Variants in GCNT1 observed in about 807,000 individuals in gnomAD.
GCNT1 encodes the protein glucosaminyl (N-acetyl) transferase 1.
GCNT1 carries 16 observed loss-of-function variants against 26.2 expected under a neutral mutation model. That is an observed-to-expected ratio of 0.61 (90% CI 0.41 to 0.93). The LOEUF (loss-of-function observed/expected upper bound fraction) is 0.93, where lower values mean the gene tolerates loss of function less well. Among genes scored for constraint, GCNT1 ranks in the 40% least tolerant of loss-of-function variants. The probability of loss-of-function intolerance (pLI) is 0.00; values close to 1 mark genes in which losing one functional copy is unlikely to be tolerated. For synonymous variants in GCNT1, 183 were observed against 190.8 expected (o/e 0.96, Z 0.34); for missense variants, 477 against 526.7 (o/e 0.91, Z 0.92).
At chr9:76,404,336 G>C in the GCNT1 span, among the ~76,000 whole-genome samples, 1 of 151,672 alleles carries the variant, frequency 6.6e-6, no homozygotes, top group African/African-American at 2.4e-5. Flanking sequence ...TAGAAAATTG[G>C]TCTAATCTGC....
chr9:76,492,139 G>A (rs1176751684), intron 2 of GCNT1, among the ~76,000 whole-genome samples: 1 of 152,172 alleles, frequency 6.6e-6, no homozygotes, highest in East Asian at 1.9e-4. Flanking sequence ...GATGTATAAA[G>A]AGAAGTTTTG....
intron 2 of GCNT1, among the ~76,000 whole-genome samples, chr9:76,478,609 T>C (rs1587439067): frequency 6.6e-6 from 1 of 152,342 alleles, no homozygotes; most frequent in East Asian, 1.9e-4. Context: ...TCTGACTTAC[T>C]TGAGTTAGCA....
intron 2 of GCNT1, among the ~76,000 whole-genome samples, chr9:76,487,928 C>T (rs1824624800): frequency 6.6e-6 from 1 of 152,130 alleles, no homozygotes; most frequent in Non-Finnish European, 1.5e-5. Flanking sequence ...GAGACAGAGT[C>T]TCTCCGTGTT....
intron 1 of GCNT1, among the ~76,000 whole-genome samples, chr9:76,421,775 C>A (rs111943601): frequency 1.4e-5 from 2 of 143,420 alleles, no homozygotes; most frequent in African/African-American, 5.2e-5. Flanking sequence ...CTGTCTGCAG[C>A]CTCCACCTCC....
the GCNT1 span, chr9:76,399,446 G>A: frequency 6.4e-7 from 1 of 1,559,600 alleles, no homozygotes; most frequent in Non-Finnish European, 8.7e-7. Context: ...AGACTGGTCT[G>A]AAGGTGTACA....
chr9:76,455,311 T>C (rs369343551), upstream of GCNT1, among the ~76,000 whole-genome samples: 11 of 152,250 alleles, frequency 7.2e-5, no homozygotes, highest in East Asian at 1.9e-4. Flanking sequence ...AAAAGCCTCA[T>C]TGAAGTTTGA....
intron 1 of GCNT1, among the ~76,000 whole-genome samples, chr9:76,452,005 G>C (rs1455865434): frequency 7.9e-6 from 1 of 126,460 alleles, no homozygotes; most frequent in Non-Finnish European, 1.6e-5. Context: ...GTCTCTCTCT[G>C]TCGCCCAGGC....
chr9:76,433,209 A>G (rs966390057), intron 1 of GCNT1, among the ~76,000 whole-genome samples: 1 of 152,130 alleles, frequency 6.6e-6, no homozygotes, highest in Non-Finnish European at 1.5e-5. Context: ...CGACAGTAAC[A>G]CTGTAGCCCT....
At chr9:76,467,627 T>A (rs1314734062) in intron 2 of GCNT1, among the ~76,000 whole-genome samples, 1 of 152,190 alleles carries the variant, frequency 6.6e-6, no homozygotes, top group Non-Finnish European at 1.5e-5. Context: ...TACTTGCCTG[T>A]TGAGTGGCCC....
At chr9:76,469,438 G>A (rs771320055) in intron 2 of GCNT1, among the ~76,000 whole-genome samples, 17 of 152,172 alleles carry the variant, frequency 1.1e-4, no homozygotes, top group Non-Finnish European at 2.1e-4. Context: ...AGAGCACAGC[G>A]GGAGGGACAA....
chr9:76,426,027 T>C lies in GCNT1; in HGVS notation n.38+6140T>C, dbSNP rs1168966150. ...GGGAGGGTCAGAATCTTGTAGCCTC[T>C]AGCTGCATGACTCCTAAACCATAAT... On this transcript the variant is annotated intron_variant and non_coding_transcript_variant, in intron 1 of 3. Transcript: ENST00000488136. Among the ~76,000 whole-genome samples, 6 of 152,214 alleles carry C rather than the reference T, an allele frequency of 3.9e-5. 1 individual carries two copies. Among genetic ancestry groups the C allele is most frequent in the African/African-American group, 7.2e-5 (3 of 41,450 alleles).
chr9:76,402,105 C>T, the GCNT1 span, among the ~76,000 whole-genome samples: 86 of 152,260 alleles, frequency 5.6e-4, 1 homozygote, highest in Non-Finnish European at 8.4e-4. Flanking sequence ...TTTGTCCTTC[C>T]GGGTACAGAG....
At chr9:76,437,872 T>C (rs1479981523), upstream of GCNT1, among the ~76,000 whole-genome samples, 1 of 152,234 alleles carries the variant, frequency 6.6e-6, no homozygotes, top group Non-Finnish European at 1.5e-5. Flanking sequence ...GGTTTAGCAT[T>C]GGTGGACACA....
chr9:76,438,256 T>C (rs1823435916), upstream of GCNT1, among the ~76,000 whole-genome samples: 1 of 152,134 alleles, frequency 6.6e-6, no homozygotes, highest in East Asian at 1.9e-4. Context: ...TCTGGAAAGG[T>C]AGGACAACTC....
At chr9:76,419,328 G>A (rs899062621), upstream of GCNT1, among the ~76,000 whole-genome samples, 1 of 152,190 alleles carries the variant, frequency 6.6e-6, no homozygotes, top group Non-Finnish European at 1.5e-5. Context: ...CTGGCACAGG[G>A]TTGTTACTAA....
intron 2 of GCNT1, among the ~76,000 whole-genome samples, chr9:76,461,082 G>A (rs1823861339): frequency 6.6e-6 from 1 of 152,084 alleles, no homozygotes. Context: ...GCACAAGAGT[G>A]CTTGGTTGGG....
chr9:76,489,005 T>A (rs115576352), intron 2 of GCNT1, among the ~76,000 whole-genome samples: 32,251 of 151,988 alleles, frequency 0.21, 3,679 homozygotes, highest in Middle Eastern at 0.32. Flanking sequence ...CTGGAGTTAC[T>A]AGGGGCTGTA....
At chr9:76,410,476 G>A in the GCNT1 span, among the ~76,000 whole-genome samples, 1 of 152,044 alleles carries the variant, frequency 6.6e-6, no homozygotes, top group South Asian at 2.1e-4. Context: ...TTAAGGCTGG[G>A]TGCGGTGGCT....
chr9:76,395,520 G>A, the GCNT1 span, among the ~76,000 whole-genome samples: 2 of 152,116 alleles, frequency 1.3e-5, no homozygotes, highest in Admixed American at 1.3e-4. Context: ...CCAGGAGGTC[G>A]AGGCTGCACT....
Sources: gnomAD v4.1 joint callset for allele counts (sites outside exome capture counted in the v4.1 genomes callset) on GRCh38, gnomAD v4.1.1 for gene constraint, MANE v1.5 for transcripts, NCBI Gene and HGNC (gene_info 2026-07-23, HGNC 2026-07-21) for gene names.